HAVCR1: variants seen among roughly 807,000 people sequenced by gnomAD.
HAVCR1 encodes hepatitis A virus cellular receptor 1, also known as T cell immunoglobin domain and mucin domain protein 1.
In HAVCR1, 34 loss-of-function variants were observed where a neutral mutation model predicts 32.0. The ratio of observed to expected loss-of-function variants is 1.06; its 90% confidence interval spans 0.81 to 1.42. HAVCR1 has a LOEUF of 1.42. Ranked by LOEUF, HAVCR1 falls within the 40% of genes most tolerant of loss-of-function variation. The probability of loss-of-function intolerance (pLI) is 0.00; values close to 1 mark genes in which losing one functional copy is unlikely to be tolerated. For synonymous variants in HAVCR1, 178 were observed against 170.3 expected, an observed-to-expected ratio of 1.05 and a Z score of -0.35; for missense variants, 420 against 442.3, an observed-to-expected ratio of 0.95 and a Z score of 0.45.
intron 5 of HAVCR1, among the ~76,000 whole-genome samples, chr5:157,043,296 ATATAAGATACAT>A (rs1303104602): frequency 5.9e-5 from 9 of 152,260 alleles, no homozygotes; most frequent in African/African-American, 2.2e-4. Context: ...TTTATGTAAT[ATATAAGATACAT>A]TTCTCTTAGA....
chr5:157,037,846 T>G (rs1754627407), intron 6 of HAVCR1, among the ~76,000 whole-genome samples: 1 of 152,058 alleles, frequency 6.6e-6, no homozygotes, highest in Non-Finnish European at 1.5e-5. Context: ...AAACCCCATC[T>G]CTACTAAAAA....
upstream of HAVCR1, among the ~76,000 whole-genome samples, chr5:157,064,104 T>A (rs1425199547): frequency 6.6e-6 from 1 of 152,148 alleles, no homozygotes; most frequent in Non-Finnish European, 1.5e-5. Context: ...TAACTTCCTT[T>A]GAGAAGGACC....
chr5:157,063,043 C>T (rs1256175983), upstream of HAVCR1, among the ~76,000 whole-genome samples: 4 of 150,486 alleles, frequency 2.7e-5, no homozygotes, highest in Admixed American at 2.7e-4. Context: ...TCGCTTGAAC[C>T]TGGGAGGTGG....
At chr5:157,055,144 A>C in intron 3 of HAVCR1, 57 bp downstream of exon 3, 1 of 947,478 alleles carries the variant, frequency 1.1e-6, no homozygotes, top group Non-Finnish European at 1.6e-6. Flanking sequence ...AAAAAAGAAA[A>C]TTACTACCGA....
intron 4 of HAVCR1, among the ~76,000 whole-genome samples, chr5:157,049,866 G>A (rs533099330): frequency 2.6e-5 from 4 of 152,102 alleles, no homozygotes; most frequent in East Asian, 3.9e-4. Context: ...CACTTCTCAC[G>A]GTAAAGCTTC....
At chr5:157,045,129 G>A (rs1755306395) in intron 5 of HAVCR1, among the ~76,000 whole-genome samples, 1 of 151,994 alleles carries the variant, frequency 6.6e-6, no homozygotes, top group Non-Finnish European at 1.5e-5. Flanking sequence ...TTACAAATTA[G>A]GCACAGAACG....
At chr5:157,036,052 G>A (rs1910053) in intron 7 of HAVCR1, among the ~76,000 whole-genome samples, 133,992 of 152,226 alleles carry the variant, frequency 0.88, 59,088 homozygotes, top group East Asian at 0.99. Flanking sequence ...CCTGTATTTA[G>A]TTTTTCTTGG....
intron 5 of HAVCR1, among the ~76,000 whole-genome samples, chr5:157,044,603 GAAAGAAAGAAAGAGAA>G (rs1232221947): frequency 5.8e-4 from 45 of 77,336 alleles, no homozygotes; most frequent in Admixed American, 1.5e-4. Flanking sequence ...AAGAAAGAAA[GAAAGAAAGAAAGAGAA>G]AGAAAGAAAG....
At chr5:157,039,293 C>A (rs1259476734) in intron 6 of HAVCR1, among the ~76,000 whole-genome samples, 1 of 152,140 alleles carries the variant, frequency 6.6e-6, no homozygotes, top group African/African-American at 2.4e-5. Context: ...AAAGTAGCTT[C>A]TTTCACTTAA....
intron 8 of HAVCR1, 36 bp from the exon 9 acceptor site, chr5:157,029,877 GA>G (rs762367309): frequency 5.1e-6 from 8 of 1,583,082 alleles, no homozygotes; most frequent in Non-Finnish European, 6.0e-6. Context: ...ACATGAGTAA[GA>G]AAAAAAGCAG....
intron 3 of HAVCR1, among the ~76,000 whole-genome samples, chr5:157,054,308 T>G (rs1240546245): frequency 6.6e-6 from 1 of 151,562 alleles, no homozygotes; most frequent in Non-Finnish European, 1.5e-5. Flanking sequence ...AAGACCAGCC[T>G]GGCCAACATG....
At position 157,032,871 on chromosome 5, in the gene HAVCR1, C is replaced by T. The variant is rs1754258115; in HGVS notation, c.969G>A (p.Lys323=). 16 of 1,575,280 alleles carry T rather than the reference C, an allele frequency of 1.0e-5. No individual in the cohort carries two copies. The highest frequency in any genetic ancestry group is 1.4e-5 in the Non-Finnish European group (16 of 1,149,410). ...VIIAKKYFFK[K]EVQQLSVSFS... ...GAGCTTACCTTAGTTGTTGAACCTC[C>T]TTTTTGAAGAAATACTCTAAATTGA... The change falls in exon 8 of 9, where the codon AAG becomes AAA. Residue 323 remains lysine, a synonymous_variant. Transcript: ENST00000523175.
rs1756042071 is a variant in HAVCR1 at position 157,055,248 on chromosome 5, C to T, written c.332G>A (p.Gly111Glu). 6.2e-7 allele frequency: 1 copy of T among 1,608,852 alleles called. No individual in the cohort carries two copies. The highest frequency in any genetic ancestry group is 2.2e-5 in the East Asian group (1 of 44,796). The change falls in exon 3 of 9, where the codon GGG becomes GAG. Residue 111 changes from glycine to glutamate, a missense_variant. Coordinates refer to ENST00000523175, the MANE Select transcript of HAVCR1 (RefSeq NM_001173393.3). ...GGTGATTTTCATGTCATTGAACCAC[C>T]CACGGTGCTCAACACGGCAACAATA... is the stretch of plus-strand genomic sequence containing the variant. Reference protein sequence around the residue: ...GVYCCRVEHRGWFNDMKITVS... With the variant: ...GVYCCRVEHREWFNDMKITVS...
rs184276926 is a variant in HAVCR1, at chr5:157,052,515, T to C, written c.519A>G (p.Pro173=). The C allele has an allele frequency of 5.0e-4, 794 of 1,601,334 alleles. 1 individual carries two copies. Among genetic ancestry groups the C allele is most frequent in the Admixed American group, 1.3e-3 (75 of 58,830 alleles). ...TTTVPTTMSI[P]TTTTVLTTMT... is the part of the protein sequence containing the mutation. Reference sequence around the variant, plus strand: ...TTGTCGTCAGAACAGTCGTTGTCGTTGGAATGCTCATTGTTGTTGGAACAG... The same window carrying C: ...TTGTCGTCAGAACAGTCGTTGTCGTCGGAATGCTCATTGTTGTTGGAACAG... Residue 173 remains proline (P), a synonymous_variant, in exon 4 of 9, where the codon CCA becomes CCG. Transcript: ENST00000523175.
chr5:157,054,297 CAA>C (rs1486039203), intron 3 of HAVCR1, among the ~76,000 whole-genome samples: 2 of 150,714 alleles, frequency 1.3e-5, no homozygotes, highest in African/African-American at 4.9e-5. Context: ...GTCAGGAGTT[CAA>C]GACCAGCCTG....
chr5:157,029,493 A>G lies in HAVCR1; in HGVS notation c.*240T>C. On this transcript the variant is annotated 3_prime_UTR_variant, in exon 9 of 9. Transcript: ENST00000523175. ...GTGTTCATATTTGAGAGAAAACTGC[A>G]ATGATCAGAAGGATTGAGCCAGTTT... 1 of 863,536 alleles carries G rather than the reference A, an allele frequency of 1.2e-6. No individual in the cohort carries two copies. 53.5% of individuals were successfully genotyped at this position (863,536 alleles called of 1,614,324 possible). A position where few individuals can be genotyped will look rare whatever the true frequency, so the allele number is the denominator to read the frequency against.
chr5:157,064,142 A>G, the HAVCR1 span, among the ~76,000 whole-genome samples: 95,029 of 151,980 alleles, frequency 0.63, 29,942 homozygotes, highest in East Asian at 0.85. Context: ...GAGAAGCAGG[A>G]AGACCTGTCA....
At chr5:157,058,260 G>A (rs1756345030) in intron 1 of HAVCR1, 1 of 261,704 alleles carries the variant, frequency 3.8e-6, no homozygotes, top group South Asian at 7.2e-5. Flanking sequence ...GGGTATCAGG[G>A]GAACAAACAA....
chr5:157,046,844 C>A (rs550170067), intron 5 of HAVCR1, among the ~76,000 whole-genome samples: 1 of 152,210 alleles, frequency 6.6e-6, no homozygotes, highest in South Asian at 2.1e-4. Context: ...TTTATAAGAG[C>A]ATTGATTCCA....
Sources: gnomAD v4.1 joint callset for allele counts (sites outside exome capture counted in the v4.1 genomes callset) on GRCh38, gnomAD v4.1.1 for gene constraint, MANE v1.5 for transcripts, NCBI Gene and HGNC (gene_info 2026-07-23, HGNC 2026-07-21) for gene names.